Variants in EGFR observed in about 807,000 individuals in gnomAD.
The protein encoded by EGFR is epidermal growth factor receptor, also known as avian erythroblastic leukemia viral (v-erb-b) oncogene homolog.
In EGFR, 58 loss-of-function variants were observed where a neutral mutation model predicts 143.0. That is an observed-to-expected ratio of 0.41 (90% confidence interval 0.33 to 0.50). EGFR has a LOEUF of 0.50. Ranked by LOEUF, EGFR falls within the 20% of genes least tolerant of loss-of-function variation. EGFR has a pLI of 0.39. For missense variants in EGFR, 1,307 were observed against 1,579.0 expected (o/e 0.83, Z 2.92); for synonymous variants, 613 against 594.4 (o/e 1.03, Z -0.45).
intron 3 of EGFR, among the ~76,000 whole-genome samples, chr7:55,146,231 T>G (rs1794752347): frequency 6.6e-6 from 1 of 151,960 alleles, no homozygotes; most frequent in South Asian, 2.1e-4. Context: ...AGGAACTGCC[T>G]CCCTGCCCTG....
intron 24 of EGFR, 188 bp downstream of exon 24, chr7:55,200,601 G>T (rs2128970440): frequency 1.5e-6 from 1 of 661,690 alleles, no homozygotes; most frequent in African/African-American, 1.8e-5. Flanking sequence ...TCCGTGAGTG[G>T]GGCCCACCCA....
chr7:55,160,434 T>C (rs1401205816), intron 12 of EGFR, 96 bp downstream of exon 12: 28 of 1,264,058 alleles, frequency 2.2e-5, no homozygotes, highest in Non-Finnish European at 2.6e-5. Context: ...TTTAAATTAC[T>C]TTTTTCAGTT....
At chr7:55,070,905 C>T (rs1274454002) in intron 1 of EGFR, among the ~76,000 whole-genome samples, 3 of 152,230 alleles carry the variant, frequency 2.0e-5, no homozygotes, top group Non-Finnish European at 4.4e-5. Context: ...CCGGCAGATC[C>T]TAGGAGAATC....
chr7:55,180,650 A>C (rs17290426), intron 19 of EGFR: 3,215 of 159,214 alleles, frequency 0.02, 118 homozygotes, highest in African/African-American at 0.071. Flanking sequence ...TGGTCTATTG[A>C]AAGAGCTTAT....
chr7:55,020,828 G>C (rs575473019), intron 1 of EGFR, among the ~76,000 whole-genome samples: 5 of 151,788 alleles, frequency 3.3e-5, no homozygotes, highest in Non-Finnish European at 7.4e-5. Context: ...TTGGGGGAGG[G>C]GCAAGGCATA....
chr7:55,162,819 C>T (rs996720731), intron 13 of EGFR, among the ~76,000 whole-genome samples: 2 of 152,160 alleles, frequency 1.3e-5, no homozygotes. Flanking sequence ...GAGACAGAGT[C>T]TCACGCCATC....
rs867427509 is a variant in EGFR at position 55,202,893 on chromosome 7, C to T, written c.3271+268C>T. On this transcript the variant is annotated intron_variant, in intron 27 of 27. Transcript: ENST00000275493. ...TCTAGCTTATGAAGCAAATCACGGA[C>T]ATACACATCTGTGTGTGTGAGTGTT... 15 of 650,366 alleles carry T rather than the reference C, an allele frequency of 2.3e-5. No homozygotes were observed. The African/African-American group carries it at 2.3e-4, about 10-fold the overall frequency. 40.3% of individuals were successfully genotyped at this position (650,366 alleles called of 1,614,324 possible). A position where few individuals can be genotyped will look rare whatever the true frequency, so the allele number is the denominator to read the frequency against.
At chr7:55,203,450 CATG>C (rs1787955452) in intron 27 of EGFR, among the ~76,000 whole-genome samples, 1 of 141,124 alleles carries the variant, frequency 7.1e-6, no homozygotes, top group Non-Finnish European at 1.6e-5. Flanking sequence ...ACACTACAGA[CATG>C]TATGCACACA....
chr7:55,154,573 A>T (rs1183899315), intron 7 of EGFR, among the ~76,000 whole-genome samples: 1 of 152,262 alleles, frequency 6.6e-6, no homozygotes, highest in East Asian at 1.9e-4. Context: ...CTATCAGAAG[A>T]CCTGCCTTCT....
intron 16 of EGFR, 38 bp from the exon 17 acceptor site, chr7:55,172,945 G>A (rs1257932148): frequency 1.2e-6 from 2 of 1,613,950 alleles, no homozygotes; most frequent in African/African-American, 1.3e-5. Flanking sequence ...GAATCTGTCA[G>A]CAACCTCACC....
intron 20 of EGFR, 140 bp downstream of exon 20, chr7:55,181,618 G>T (rs1786884393): frequency 2.0e-6 from 2 of 1,023,840 alleles, no homozygotes; most frequent in African/African-American, 1.6e-5. Flanking sequence ...CCTTTATTTT[G>T]GATTCAATCA....
intron 20 of EGFR, among the ~76,000 whole-genome samples, chr7:55,188,052 AT>A (rs762113973): frequency 6.1e-4 from 93 of 152,288 alleles, no homozygotes; most frequent in Middle Eastern, 6.8e-3. Context: ...TGGTCTCAGC[AT>A]GGTTCTGGTA....
chr7:55,161,808 G>A (rs1253901663), intron 13 of EGFR, among the ~76,000 whole-genome samples, 177 bp downstream of exon 13: 1 of 152,092 alleles, frequency 6.6e-6, no homozygotes, highest in African/African-American at 2.4e-5. Flanking sequence ...CGTTATTTTT[G>A]GCAAATTTAA....
At chr7:55,026,650 G>A (rs12673110) in intron 1 of EGFR, among the ~76,000 whole-genome samples, 45,878 of 151,956 alleles carry the variant, frequency 0.3, 8,275 homozygotes, top group East Asian at 0.7. Context: ...CTCTCTGGCC[G>A]GAAAGATGCC....
intron 1 of EGFR, among the ~76,000 whole-genome samples, chr7:55,020,222 C>T (rs1194188626): frequency 6.6e-6 from 1 of 152,210 alleles, no homozygotes; most frequent in Admixed American, 6.5e-5. Flanking sequence ...CCCCACCTCC[C>T]GGGGACCCCA....
intron 19 of EGFR, among the ~76,000 whole-genome samples, chr7:55,177,814 A>G (rs845552): frequency 0.44 from 66,767 of 152,142 alleles, 15,344 homozygotes; most frequent in East Asian, 0.62. Flanking sequence ...GGGCTCCACG[A>G]AGATTGTTGT....
At chr7:55,021,787 C>G (rs1409253348) in intron 1 of EGFR, among the ~76,000 whole-genome samples, 1 of 152,160 alleles carries the variant, frequency 6.6e-6, no homozygotes, top group African/African-American at 2.4e-5. Context: ...TTCATGAGTC[C>G]TAATCCCCAC....
chr7:55,067,212 A>C (rs1789557602), intron 1 of EGFR, among the ~76,000 whole-genome samples: 1 of 152,146 alleles, frequency 6.6e-6, no homozygotes, highest in Non-Finnish European at 1.5e-5. Flanking sequence ...TTCAGGAGCA[A>C]AGGTCAGAAG....
intron 23 of EGFR, among the ~76,000 whole-genome samples, chr7:55,199,367 T>C (rs1387315591): frequency 6.6e-6 from 1 of 152,264 alleles, no homozygotes; most frequent in African/African-American, 2.4e-5. Context: ...GATGCTATTA[T>C]TCTACCAGAT....
Sources: gnomAD v4.1 joint callset for allele counts (sites outside exome capture counted in the v4.1 genomes callset) on GRCh38, gnomAD v4.1.1 for gene constraint, MANE v1.5 for transcripts, NCBI Gene and HGNC (gene_info 2026-07-23, HGNC 2026-07-21) for gene names.